The following STIM2 variants were observed in gnomAD, a reference collection of about 807,000 sequenced individuals.
The protein encoded by STIM2 is stromal interaction molecule 2.
STIM2 carries 31 observed loss-of-function variants against 85.8 expected under a neutral mutation model. That is an observed-to-expected ratio of 0.36 (90% CI 0.27 to 0.49). The LOEUF is 0.49. STIM2 is among the 20% of genes least tolerant of loss of function. STIM2 has a pLI of 0.98. For missense variants in STIM2, 841 were observed against 927.6 expected (o/e 0.91, Z 1.21); for synonymous variants, 356 against 331.1 (o/e 1.08, Z -0.82).
At position 27,017,720 on chromosome 4, in the gene STIM2, C is replaced by T; in HGVS notation, c.1499C>T (p.Ala500Val). ...TCTTGGTGTTTTTCAGGGACCATGG[C>T]TAAACCTCCTGGATCATTAGCCAGA... is the stretch of plus-strand genomic sequence containing the variant. The change falls in exon 11 of 12, where the codon GCT (alanine) becomes GTT (valine). Residue 500 changes from alanine to valine, a missense_variant. Transcript: ENST00000467087. 5 of 1,613,936 alleles carry T rather than the reference C, an allele frequency of 3.1e-6. No homozygotes were observed. Among genetic ancestry groups the T allele is most frequent in the Non-Finnish European group, 2.5e-6 (3 of 1,179,916 alleles).
chr4:26,915,975 G>T (rs377010357), intron 1 of STIM2, among the ~76,000 whole-genome samples: 2 of 152,120 alleles, frequency 1.3e-5, no homozygotes, highest in South Asian at 2.1e-4. Context: ...GGGGCATTTT[G>T]GGTAGCTAAA....
chr4:26,988,576 T>C (rs536050816), intron 3 of STIM2, among the ~76,000 whole-genome samples: 1 of 152,316 alleles, frequency 6.6e-6, no homozygotes. Context: ...TCCTGCACAA[T>C]GTTTAACAAC....
rs143594784 is a variant in STIM2 at position 27,002,700 on chromosome 4, G to A, written c.804-227G>A. ...TAGGAATTTTTGAAAAGCTTTTTGC[G>A]GAAGAGTATTTCCCTGCTTTCCCTG... On this transcript the variant is annotated intron_variant, in intron 6 of 11. Coordinates refer to ENST00000467087, the MANE Select transcript of STIM2 (RefSeq NM_020860.4). 4.9e-3 allele frequency among the ~76,000 whole-genome samples: 746 copies of A among 152,008 alleles called. 12 individuals carry two copies. The highest frequency in any genetic ancestry group is 0.011 in the Admixed American group (169 of 15,264).
At chr4:26,895,777 AG>A (rs1000778843) in intron 1 of STIM2, among the ~76,000 whole-genome samples, 1 of 152,222 alleles carries the variant, frequency 6.6e-6, no homozygotes, top group African/African-American at 2.4e-5. Flanking sequence ...AGTTTGGAAA[AG>A]TAAGTGGATC....
intron 1 of STIM2, among the ~76,000 whole-genome samples, chr4:26,865,569 G>A (rs1205000747): frequency 6.6e-6 from 1 of 152,100 alleles, no homozygotes; most frequent in African/African-American, 2.4e-5. Context: ...GATGATAATT[G>A]TGGTGTGAAC....
chr4:26,904,230 T>TTTTG (rs375816216), intron 1 of STIM2, among the ~76,000 whole-genome samples: 10 of 151,866 alleles, frequency 6.6e-5, no homozygotes, highest in Non-Finnish European at 1.0e-4. Flanking sequence ...CTGGCAGGTT[T>TTTTG]TTTGTTTGTT....
intron 4 of STIM2, among the ~76,000 whole-genome samples, chr4:26,998,625 A>C (rs922718416): frequency 6.6e-6 from 1 of 152,126 alleles, no homozygotes; most frequent in African/African-American, 2.4e-5. Context: ...AATATTTTCA[A>C]CTTTAGGCTG....
At chr4:26,887,655 A>G (rs533933520) in intron 1 of STIM2, among the ~76,000 whole-genome samples, 1 of 152,318 alleles carries the variant, frequency 6.6e-6, no homozygotes, top group African/African-American at 2.4e-5. Flanking sequence ...AAGACCCTGT[A>G]TTAGGGTTCT....
chr4:26,918,785 A>G (rs1015949858), intron 1 of STIM2, among the ~76,000 whole-genome samples: 1 of 152,194 alleles, frequency 6.6e-6, no homozygotes, highest in Non-Finnish European at 1.5e-5. Context: ...TTTCTAACTT[A>G]GTTTTTGACA....
rs1414597465 is a variant in STIM2, at chr4:26,995,505, T to C, written c.509+15T>C. ...ACACTTCCCAGGTGAGTCTTTGTTA[T>C]GCAAATGTATTTTCCACTCAGGGAG... On this transcript the variant is annotated intron_variant, in intron 4 of 11. Transcript: ENST00000467087. The C allele has an allele frequency of 2.0e-6, 3 of 1,522,064 alleles. No individual in the cohort carries two copies. In the African/African-American group the frequency reaches 4.2e-5, roughly 21 times the overall value. The allele number at this position is 1,522,064 out of a possible 1,614,324, so 94.3% of individuals were successfully genotyped here.
intron 1 of STIM2, among the ~76,000 whole-genome samples, chr4:26,879,935 C>G (rs1722941916): frequency 6.6e-6 from 1 of 152,148 alleles, no homozygotes; most frequent in Non-Finnish European, 1.5e-5. Flanking sequence ...TCACTCTGGT[C>G]TGGGCTACCA....
At chr4:26,878,878 A>G (rs1722903522) in intron 1 of STIM2, among the ~76,000 whole-genome samples, 1 of 152,150 alleles carries the variant, frequency 6.6e-6, no homozygotes, top group Non-Finnish European at 1.5e-5. Context: ...GGCTCTCATG[A>G]GAACTCCCTC....
chr4:26,994,294 T>C (rs1727874535), intron 3 of STIM2, among the ~76,000 whole-genome samples: 1 of 152,072 alleles, frequency 6.6e-6, no homozygotes, highest in South Asian at 2.1e-4. Context: ...CCCAATCTTT[T>C]CCTCCCCATT....
chr4:26,910,539 A>G (rs1724297579), intron 1 of STIM2, among the ~76,000 whole-genome samples: 1 of 152,090 alleles, frequency 6.6e-6, no homozygotes, highest in Non-Finnish European at 1.5e-5. Flanking sequence ...CAAAAAAACA[A>G]AAAACAAACA....
At chr4:26,869,022 C>G (rs571989155) in intron 1 of STIM2, among the ~76,000 whole-genome samples, 30 of 152,230 alleles carry the variant, frequency 2.0e-4, no homozygotes, top group African/African-American at 7.2e-4. Context: ...GGGTCGTACG[C>G]TGTAGCTTAT....
chr4:26,947,521 C>T (rs898434947), intron 2 of STIM2, among the ~76,000 whole-genome samples: 9 of 152,060 alleles, frequency 5.9e-5, no homozygotes, highest in African/African-American at 1.9e-4. Flanking sequence ...AGATTATCTG[C>T]AGTCAGAAGT....
intron 2 of STIM2, among the ~76,000 whole-genome samples, chr4:26,931,889 TAGTA>T (rs1464240446): frequency 2.0e-5 from 3 of 152,184 alleles, no homozygotes; most frequent in Non-Finnish European, 2.9e-5. Flanking sequence ...CAGAGAATGT[TAGTA>T]AGTGTTTTAT....
chr4:27,013,871 A>T (rs1341430667), intron 10 of STIM2, among the ~76,000 whole-genome samples: 1 of 152,010 alleles, frequency 6.6e-6, no homozygotes, highest in African/African-American at 2.4e-5. Context: ...CTATGGATTG[A>T]CCTTGATGTA....
intron 3 of STIM2, among the ~76,000 whole-genome samples, chr4:26,988,514 G>C (rs1027544250): frequency 6.6e-6 from 1 of 152,128 alleles, no homozygotes; most frequent in African/African-American, 2.4e-5. Context: ...AACTATCTGT[G>C]GTACCTTATC....
Sources: gnomAD v4.1 joint callset for allele counts (sites outside exome capture counted in the v4.1 genomes callset) on GRCh38, gnomAD v4.1.1 for gene constraint, MANE v1.5 for transcripts, NCBI Gene and HGNC (gene_info 2026-07-23, HGNC 2026-07-21) for gene names.